The following PHLPP1 variants were observed in gnomAD, a reference collection of about 807,000 sequenced individuals.
PHLPP1 encodes the protein PH domain and leucine rich repeat protein phosphatase 1, also known as PH domain leucine-rich repeat-containing protein phosphatase 1.
Under a neutral mutation model 117.2 loss-of-function variants are expected in PHLPP1, and 42 were observed. That is an observed-to-expected ratio of 0.36 (90% CI 0.28 to 0.46). The LOEUF is 0.46. Ranked by LOEUF, PHLPP1 falls within the 20% of genes least tolerant of loss-of-function variation. PHLPP1 has a pLI of 1.00. For missense variants in PHLPP1, 2,084 were observed against 2,241.9 expected, an observed-to-expected ratio of 0.93 and a Z score of 1.42; for synonymous variants, 1,042 against 970.7, an observed-to-expected ratio of 1.07 and a Z score of -1.37.
chr18:62,852,654 G>C (rs1915388311), intron 3 of PHLPP1, among the ~76,000 whole-genome samples: 1 of 152,248 alleles, frequency 6.6e-6, no homozygotes, highest in East Asian at 1.9e-4. Context: ...GTTGACAGCA[G>C]TGTTTCACTT....
intron 4 of PHLPP1, among the ~76,000 whole-genome samples, chr18:62,885,494 T>C (rs1011396473): frequency 2.0e-5 from 3 of 152,130 alleles, no homozygotes; most frequent in Non-Finnish European, 4.4e-5. Flanking sequence ...ACCCTGTCTC[T>C]ACTAAAAATA....
chr18:62,731,101 CCT>C (rs1279577296), intron 1 of PHLPP1: 1 of 151,950 alleles, frequency 6.6e-6, no homozygotes, highest in East Asian at 1.9e-4. Flanking sequence ...TTGTGGCAAC[CCT>C]GTGTTGAGTA....
intron 4 of PHLPP1, among the ~76,000 whole-genome samples, chr18:62,882,270 ATTT>A (rs754386808): frequency 7.3e-6 from 1 of 137,750 alleles, no homozygotes; most frequent in Admixed American, 7.3e-5. Flanking sequence ...TCACTTAACT[ATTT>A]TTTTTTTTTT....
intron 1 of PHLPP1, among the ~76,000 whole-genome samples, chr18:62,823,066 A>G (rs1393172543): frequency 3.3e-5 from 5 of 152,240 alleles, no homozygotes; most frequent in African/African-American, 1.2e-4. Context: ...AATTAGAACT[A>G]TAAAATTTCT....
intron 10 of PHLPP1, among the ~76,000 whole-genome samples, chr18:62,936,728 T>G (rs1909979915): frequency 6.6e-6 from 1 of 152,154 alleles, no homozygotes; most frequent in Non-Finnish European, 1.5e-5. Flanking sequence ...TTGAGAGACA[T>G]TTTACAGAAT....
At chr18:62,868,456 A>G (rs1915821109) in intron 4 of PHLPP1, among the ~76,000 whole-genome samples, 1 of 151,930 alleles carries the variant, frequency 6.6e-6, no homozygotes, top group Admixed American at 6.6e-5. Context: ...ACCCGTCTCT[A>G]CTAAAAATAC....
At chr18:62,845,335 T>C (rs1247323782) in intron 3 of PHLPP1, among the ~76,000 whole-genome samples, 1 of 152,132 alleles carries the variant, frequency 6.6e-6, no homozygotes, top group Non-Finnish European at 1.5e-5. Context: ...TGCAGTGAAC[T>C]TCTGGTTGCC....
At chr18:62,739,387 G>T (rs563813909) in intron 1 of PHLPP1, among the ~76,000 whole-genome samples, 109 of 152,320 alleles carry the variant, frequency 7.2e-4, no homozygotes, top group African/African-American at 2.6e-3. Context: ...CTTTCAGCGG[G>T]ATATGGATGG....
At position 62,902,998 on chromosome 18, in the gene PHLPP1, G is replaced by T; in HGVS notation, c.2479G>T (p.Val827Leu). The T allele has an allele frequency of 6.2e-7, 1 of 1,612,772 alleles. No individual in the cohort carries two copies. Among genetic ancestry groups the T allele is most frequent in the Non-Finnish European group, 8.5e-7 (1 of 1,179,602 alleles). The change falls in exon 7 of 17, where the codon GTG (valine) becomes TTG (leucine). Residue 827 changes from valine (V) to leucine (L), a missense_variant. This residue lies in a region of PHLPP1 where 1,365 missense variants were observed against 1,605.9 expected (regional missense o/e 0.85). Coordinates refer to ENST00000262719, the MANE Select transcript of PHLPP1 (RefSeq NM_194449.4). ...AATTAGGAAGCTGATAGCAGATGAAGTGGACTTTCTACAGCATGTTACTCA... is the reference window on the plus strand; with the variant it reads ...AATTAGGAAGCTGATAGCAGATGAATTGGACTTTCTACAGCATGTTACTCA... Reference protein sequence around the residue: ...NVIRKLIADEVDFLQHVTQLD... With the variant: ...NVIRKLIADELDFLQHVTQLD...
chr18:62,897,542 T>C (rs1218773306), intron 6 of PHLPP1, among the ~76,000 whole-genome samples: 2 of 152,218 alleles, frequency 1.3e-5, no homozygotes, highest in African/African-American at 4.8e-5. Flanking sequence ...AGTATCTGTC[T>C]GTCGCCCAGG....
At chr18:62,846,716 T>G (rs563642732) in intron 3 of PHLPP1, among the ~76,000 whole-genome samples, 1 of 152,224 alleles carries the variant, frequency 6.6e-6, no homozygotes, top group East Asian at 1.9e-4. Flanking sequence ...TTTGTTACAG[T>G]TAGAAAGCAA....
At chr18:62,948,655 G>C (rs1483287088) in intron 12 of PHLPP1, among the ~76,000 whole-genome samples, 3 of 151,584 alleles carry the variant, frequency 2.0e-5, no homozygotes. Context: ...CCAGTAGATA[G>C]AAGTTTTGTT....
intron 1 of PHLPP1, among the ~76,000 whole-genome samples, chr18:62,762,815 TTAATC>T (rs1912298239): frequency 2.0e-5 from 3 of 152,332 alleles, no homozygotes; most frequent in East Asian, 3.9e-4. Context: ...GTTTTTATGA[TTAATC>T]TAAGTAGGAT....
At chr18:62,744,687 A>G (rs1207812592) in intron 1 of PHLPP1, among the ~76,000 whole-genome samples, 1 of 152,246 alleles carries the variant, frequency 6.6e-6, no homozygotes. Flanking sequence ...CAGATCATGT[A>G]ATGCACATCC....
chr18:62,852,324 T>C (rs994870302), intron 3 of PHLPP1, among the ~76,000 whole-genome samples: 18 of 152,086 alleles, frequency 1.2e-4, no homozygotes, highest in African/African-American at 3.6e-4. Flanking sequence ...TATGAAGATA[T>C]ATGATGTAAT....
chr18:62,726,710 A>T (rs1911085377), intron 1 of PHLPP1, among the ~76,000 whole-genome samples: 1 of 147,958 alleles, frequency 6.8e-6, no homozygotes, highest in Non-Finnish European at 1.5e-5. Context: ...CAGCCTCCTG[A>T]GTAGCTGGGA....
intron 10 of PHLPP1, among the ~76,000 whole-genome samples, 195 bp from the exon 11 acceptor site, chr18:62,941,523 A>C (rs1227872629): frequency 6.6e-6 from 1 of 152,214 alleles, no homozygotes; most frequent in Non-Finnish European, 1.5e-5. Context: ...ATACATATAG[A>C]TAGCTATTGT....
intron 12 of PHLPP1, among the ~76,000 whole-genome samples, chr18:62,948,577 A>G (rs183068845): frequency 7.4e-4 from 113 of 151,740 alleles, no homozygotes; most frequent in African/African-American, 2.6e-3. Context: ...TTTTCCCCCC[A>G]GCTATTACAC....
intron 1 of PHLPP1, among the ~76,000 whole-genome samples, chr18:62,764,974 A>G (rs1912417948): frequency 6.6e-6 from 1 of 152,114 alleles, no homozygotes; most frequent in Admixed American, 6.5e-5. Context: ...CAGCTCCTTC[A>G]TTAGTTTCTC....
Sources: gnomAD v4.1 joint callset for allele counts (sites outside exome capture counted in the v4.1 genomes callset) on GRCh38, gnomAD v4.1.1 for gene constraint, gnomAD v4.1.1 regional missense constraint, MANE v1.5 for transcripts, NCBI Gene and HGNC (gene_info 2026-07-23, HGNC 2026-07-21) for gene names.